Variants in CFAP61 observed in about 807,000 individuals in gnomAD.
CFAP61 encodes cilia and flagella associated protein 61, also known as cilia- and flagella-associated protein 61.
In CFAP61, 107 loss-of-function variants were observed where a neutral mutation model predicts 135.6. That is an observed-to-expected ratio of 0.79 (90% CI 0.67 to 0.93). The LOEUF is 0.93. Among genes scored for constraint, CFAP61 ranks in the 40% least tolerant of loss-of-function variants. The pLI, the probability that CFAP61 is intolerant of heterozygous loss-of-function variation, is 0.00. For missense variants in CFAP61, 1,507 were observed against 1,556.2 expected, an observed-to-expected ratio of 0.97 and a Z score of 0.53; for synonymous variants, 575 against 578.5, an observed-to-expected ratio of 0.99 and a Z score of 0.09.
At chr20:20,332,715 A>G (rs992659348) in intron 25 of CFAP61, among the ~76,000 whole-genome samples, 2 of 152,190 alleles carry the variant, frequency 1.3e-5, no homozygotes, top group African/African-American at 4.8e-5. Context: ...CTCGGGCTCA[A>G]GTGATCCTCC....
rs565849610 is a variant in CFAP61 at position 20,164,059 on chromosome 20, A to G, written c.1036A>G (p.Lys346Glu). The change falls in exon 11 of 27, where the codon AAA becomes GAA. Residue 346 changes from lysine (K) to glutamate (E), a missense_variant. By Grantham distance (56) the Lys-to-Glu change is moderately conservative (BLOSUM62 1). Coordinates refer to ENST00000245957, the MANE Select transcript of CFAP61 (RefSeq NM_015585.4). The stretch of plus-strand genomic sequence containing the variant: ...TGTCTCCTTGCTCTAGGACATAGAA[A>G]AACTCAGTGACATCTCCACTGGATA... Reference protein sequence around the residue: ...GNVSEPEDIEKLSDISTGYAQ... With the variant: ...GNVSEPEDIEELSDISTGYAQ... 3.1e-6 allele frequency: 5 copies of G among 1,608,900 alleles called. No individual in the cohort carries two copies. In the African/African-American group the frequency reaches 6.7e-5, roughly 21 times the overall value.
intron 18 of CFAP61, among the ~76,000 whole-genome samples, chr20:20,231,705 G>A (rs535939232): frequency 6.6e-6 from 1 of 152,196 alleles, no homozygotes; most frequent in Non-Finnish European, 1.5e-5. Context: ...GCGTGTTTGT[G>A]GCAAGGATCA....
chr20:20,340,211 G>T (rs2058385767), intron 25 of CFAP61, among the ~76,000 whole-genome samples: 1 of 152,258 alleles, frequency 6.6e-6, no homozygotes, highest in Admixed American at 6.5e-5. Context: ...GTATTGTTGT[G>T]TGGTTGGGAG....
At chr20:20,056,586 A>T in intron 1 of CFAP61, 32 bp from the exon 2 acceptor site, 1 of 1,494,972 alleles carries the variant, frequency 6.7e-7, no homozygotes, top group Non-Finnish European at 9.2e-7. Context: ...TGTGTATTAT[A>T]ACCAAACTGG....
chr20:20,055,933 C>A, intron 1 of CFAP61: 1 of 1,587,464 alleles, frequency 6.3e-7, no homozygotes, highest in East Asian at 2.3e-5. Context: ...AAATTGAAAT[C>A]ATTTTGTGAC....
intron 12 of CFAP61, among the ~76,000 whole-genome samples, chr20:20,169,073 G>A (rs748102206): frequency 1.3e-5 from 2 of 152,132 alleles, no homozygotes; most frequent in Admixed American, 6.6e-5. Context: ...CTGAATGACT[G>A]CCATTGTTTA....
chr20:20,293,291 G>C (rs887522687), intron 24 of CFAP61, among the ~76,000 whole-genome samples: 1 of 152,216 alleles, frequency 6.6e-6, no homozygotes, highest in South Asian at 2.1e-4. Context: ...GTTTTAATAA[G>C]AGTGCAACTT....
Position 20,052,623 on chromosome 20 carries a change from C to T in CFAP61, c.-37+32C>T, listed in dbSNP as rs771448769. 96 of 1,613,686 alleles carry T rather than the reference C, an allele frequency of 5.9e-5. 1 individual carries two copies. In the Middle Eastern group the frequency reaches 1.7e-3, roughly 28 times the overall value. On this transcript the variant is annotated intron_variant, in intron 1 of 26. Transcript: ENST00000245957. ...AACGCCGTGCTGACTAGCAGCGACGCAAGGACTGCGGTGCAGGGCGTCCAG... is the reference window on the plus strand; with the variant it reads ...AACGCCGTGCTGACTAGCAGCGACGTAAGGACTGCGGTGCAGGGCGTCCAG...
chr20:20,264,853 C>T (rs2147015289), intron 21 of CFAP61, among the ~76,000 whole-genome samples: 2 of 152,308 alleles, frequency 1.3e-5, no homozygotes, highest in South Asian at 4.1e-4. Context: ...GATTATGCCA[C>T]TGCACTCCAG....
intron 26 of CFAP61, among the ~76,000 whole-genome samples, chr20:20,348,298 TA>T (rs2058703136): frequency 6.6e-6 from 1 of 152,104 alleles, no homozygotes; most frequent in Non-Finnish European, 1.5e-5. Context: ...AGCAGCATAT[TA>T]AAGGACTAAA....
rs534636572 is a variant in CFAP61 at position 20,356,175 on chromosome 20, A to AG, written c.3514-4028dup. ...ACACTGAGGGGAAGTGGTCACACTG[A>AG]GGGGGGGTGGTCACACTGAGGGGAG... On this transcript the variant is annotated intron_variant, in intron 26 of 26. Transcript: ENST00000245957. Among the ~76,000 whole-genome samples the AG allele has an allele frequency of 1.8e-5, 2 of 112,446 alleles. 1 individual carries two copies. Among genetic ancestry groups the AG allele is most frequent in the Non-Finnish European group, 3.7e-5 (2 of 54,358 alleles). 73.8% of individuals were successfully genotyped at this position (112,446 alleles called of 152,430 possible).
chr20:20,360,394 G>A lies in CFAP61; in HGVS notation c.3698G>A (p.Trp1233Ter), dbSNP rs543824036. 1.2e-6 allele frequency: 2 copies of A among 1,613,824 alleles called. No homozygotes were observed. The highest frequency in any genetic ancestry group is 1.7e-6 in the Non-Finnish European group (2 of 1,180,004). The change falls in exon 27 of 27, where the codon TGG becomes TAG. Residue 1233 changes from tryptophan (W) to a stop codon, truncating the protein, a stop_gained. Coordinates refer to ENST00000245957, the MANE Select transcript of CFAP61 (RefSeq NM_015585.4). LOFTEE classifies it high-confidence loss of function. ...CGCTACCACCTGCCCATGTACGCGT[G>A]GCCAGGCATCGTTTAGTTGTAGGCA... ...YNRYHLPMYAWPGIV is the reference protein window; with the variant it reads ...YNRYHLPMYA
chr20:20,066,137 A>G (rs891497307), intron 2 of CFAP61, among the ~76,000 whole-genome samples: 1 of 152,248 alleles, frequency 6.6e-6, no homozygotes, highest in Non-Finnish European at 1.5e-5. Context: ...ATACCATCTC[A>G]TGTCAGTCAG....
chr20:20,282,632 C>T (rs1409671018), intron 22 of CFAP61, among the ~76,000 whole-genome samples: 1 of 152,028 alleles, frequency 6.6e-6, no homozygotes, highest in East Asian at 1.9e-4. Flanking sequence ...CTGTTGTGAT[C>T]AGAGAACAGT....
intron 8 of CFAP61, among the ~76,000 whole-genome samples, chr20:20,121,985 G>C (rs903143358): frequency 1.1e-4 from 17 of 151,604 alleles, no homozygotes; most frequent in African/African-American, 4.1e-4. Flanking sequence ...TTCGGGTACA[G>C]GTGGTATTTG....
At chr20:20,300,718 A>C (rs1450606429) in intron 25 of CFAP61, among the ~76,000 whole-genome samples, 2 of 150,080 alleles carry the variant, frequency 1.3e-5, no homozygotes, top group Non-Finnish European at 3.0e-5. Flanking sequence ...CAATTCTCCT[A>C]CCTTAGCCTC....
intron 13 of CFAP61, among the ~76,000 whole-genome samples, chr20:20,183,934 T>A (rs2055306440): frequency 6.6e-6 from 1 of 152,076 alleles, no homozygotes; most frequent in South Asian, 2.1e-4. Flanking sequence ...TCCTCTTTGG[T>A]GAATATGAAT....
intron 13 of CFAP61, among the ~76,000 whole-genome samples, chr20:20,184,379 T>C (rs139794788): frequency 1.3e-5 from 2 of 152,238 alleles, no homozygotes; most frequent in African/African-American, 4.8e-5. Context: ...AGTGAGCAAA[T>C]AGACCAACAC....
At chr20:20,348,494 C>T (rs1404658605) in intron 26 of CFAP61, among the ~76,000 whole-genome samples, 35 of 151,750 alleles carry the variant, frequency 2.3e-4, no homozygotes, top group Admixed American at 2.2e-3. Context: ...TTGAGACCAG[C>T]CTGACCAACA....
Sources: allele counts gnomAD v4.1 joint callset (sites outside exome capture counted in the v4.1 genomes callset), GRCh38; gene constraint gnomAD v4.1.1; transcripts MANE v1.5; gene names NCBI Gene and HGNC (gene_info 2026-07-23, HGNC 2026-07-21).